The following ANKS4B variants were observed in gnomAD, a reference collection of about 807,000 sequenced individuals.
ANKS4B encodes the protein ankyrin repeat and sterile alpha motif domain containing 4B.
Under a neutral mutation model 20.2 loss-of-function variants are expected in ANKS4B, and 21 were observed. The observed-to-expected ratio is 1.04, with a 90% CI of 0.74 to 1.50. The LOEUF (loss-of-function observed/expected upper bound fraction) is 1.50, where lower values mean the gene tolerates loss of function less well. Among genes scored for constraint, ANKS4B ranks in the 40% most tolerant of loss-of-function variants. ANKS4B has a pLI of 0.00. For missense variants in ANKS4B, 473 were observed against 494.6 expected, an observed-to-expected ratio of 0.96 and a Z score of 0.41; for synonymous variants, 179 against 194.5, an observed-to-expected ratio of 0.92 and a Z score of 0.66.
intron 1 of ANKS4B, chr16:21,244,089 A>G (rs2093329568): frequency 6.6e-6 from 1 of 152,050 alleles, no homozygotes; most frequent in African/African-American, 2.4e-5. Flanking sequence ...AAAAAAAAAA[A>G]AAAATGAGAT....
At chr16:21,236,551 C>G (rs1408275973) in intron 1 of ANKS4B, among the ~76,000 whole-genome samples, 1 of 152,144 alleles carries the variant, frequency 6.6e-6, no homozygotes, top group Non-Finnish European at 1.5e-5. Context: ...TATTCTCTTA[C>G]AATAACTCTT....
At chr16:21,245,690 C>T (rs2152859770) in intron 1 of ANKS4B, among the ~76,000 whole-genome samples, 1 of 152,252 alleles carries the variant, frequency 6.6e-6, no homozygotes, top group East Asian at 1.9e-4. Flanking sequence ...GTCTCAAACT[C>T]CTGGCCTCCA....
At chr16:21,234,062 G>T (rs2093317135) in intron 1 of ANKS4B, among the ~76,000 whole-genome samples, 161 bp downstream of exon 1, 1 of 152,156 alleles carries the variant, frequency 6.6e-6, no homozygotes. Flanking sequence ...GCCTAGAGAT[G>T]CTCTCTTTTC....
chr16:21,240,610 T>C (rs1325012141), intron 1 of ANKS4B, among the ~76,000 whole-genome samples: 1 of 152,172 alleles, frequency 6.6e-6, no homozygotes, highest in East Asian at 1.9e-4. Context: ...AACATTTGGG[T>C]ACATATCCTT....
At position 21,253,384 on chromosome 16, in the gene ANKS4B, ATGATTGT is replaced by A; in HGVS notation, c.*2566_*2572del. On this transcript the variant is annotated 3_prime_UTR_variant, in exon 2 of 2. Coordinates refer to ENST00000311620, the MANE Select transcript of ANKS4B (RefSeq NM_145865.3). ...TTGAATAAACACGTTGCATTAGGGG[ATGATTGT>A]TTACAAATACCTTATCTTGTGGAAT... 1 of 152,326 alleles carries A rather than the reference ATGATTGT, an allele frequency of 6.6e-6. No individual in the cohort carries two copies. The highest frequency in any genetic ancestry group is 2.1e-4 in the South Asian group (1 of 4,826). 9.4% of individuals were successfully genotyped at this position (152,326 alleles called of 1,614,324 possible). A position where few individuals can be genotyped will look rare whatever the true frequency, so the allele number is the denominator to read the frequency against.
chr16:21,235,256 G>C (rs2093318893), intron 1 of ANKS4B, among the ~76,000 whole-genome samples: 1 of 152,220 alleles, frequency 6.6e-6, no homozygotes, highest in African/African-American at 2.4e-5. Context: ...TTTAAGCTGG[G>C]ATTAGGAAAA....
At chr16:21,235,426 A>G (rs1167240772) in intron 1 of ANKS4B, among the ~76,000 whole-genome samples, 1 of 152,148 alleles carries the variant, frequency 6.6e-6, no homozygotes, top group African/African-American at 2.4e-5. Flanking sequence ...AGCCTTGTCA[A>G]CTCTGGTAAG....
intron 1 of ANKS4B, among the ~76,000 whole-genome samples, chr16:21,248,788 G>A (rs926368978): frequency 6.6e-6 from 1 of 152,042 alleles, no homozygotes; most frequent in Admixed American, 6.5e-5. Flanking sequence ...TAACACGAAA[G>A]TCTCACTTTC....
chr16:21,253,762 G>A lies in ANKS4B; in HGVS notation c.*2942G>A, dbSNP rs1221991354. ...TTTATGATTGACAGAATTAATAGGT[G>A]AGCGTTCTCCAAAGTTCTCAGCATC... On this transcript the variant is annotated 3_prime_UTR_variant, in exon 2 of 2. Transcript: ENST00000311620. The A allele has an allele frequency of 6.6e-6, 1 of 152,134 alleles. No individual in the cohort carries two copies. The highest frequency in any genetic ancestry group is 2.4e-5 in the African/African-American group (1 of 41,424). 9.4% of individuals were successfully genotyped at this position (152,134 alleles called of 1,614,324 possible).
At chr16:21,245,518 G>T in intron 1 of ANKS4B, among the ~76,000 whole-genome samples, 1 of 152,006 alleles carries the variant, frequency 6.6e-6, no homozygotes, top group African/African-American at 2.4e-5. Flanking sequence ...TTGTCACCCA[G>T]GCTGGAGTGC....
At chr16:21,238,809 A>C (rs1476273403) in intron 1 of ANKS4B, 3 of 152,148 alleles carry the variant, frequency 2.0e-5, no homozygotes, top group Non-Finnish European at 4.4e-5. Context: ...TATGGGTGCA[A>C]ATATTCTTCT....
At position 21,251,597 on chromosome 16, in the gene ANKS4B, T is replaced by C. The variant is rs911718816; in HGVS notation, c.*777T>C. ...TCCTGAGATCTATGACTTTGCCTAG[T>C]GGTAGAGACTAGAGTTCTTTCCTGG... On this transcript the variant is annotated 3_prime_UTR_variant, in exon 2 of 2. Transcript: ENST00000311620. The C allele has an allele frequency of 1.3e-5, 2 of 152,256 alleles. No homozygotes were observed. The highest frequency in any genetic ancestry group is 4.8e-5 in the African/African-American group (2 of 41,470). The allele number at this position is 152,256 out of a possible 1,614,324, so 9.4% of individuals were successfully genotyped here. A position where few individuals can be genotyped will look rare whatever the true frequency, so the allele number is the denominator to read the frequency against.
Position 21,253,370 on chromosome 16 carries a change from C to G in ANKS4B, c.*2550C>G, listed in dbSNP as rs916225525. On this transcript the variant is annotated 3_prime_UTR_variant, in exon 2 of 2. Coordinates refer to ENST00000311620, the MANE Select transcript of ANKS4B (RefSeq NM_145865.3). The stretch of plus-strand genomic sequence containing the variant: ...AAGCTTGTTAGCCATTGAATAAACA[C>G]GTTGCATTAGGGGATGATTGTTTAC... The G allele has an allele frequency of 6.6e-6, 1 of 152,170 alleles. No homozygotes were observed. Among genetic ancestry groups the G allele is most frequent in the East Asian group, 1.9e-4 (1 of 5,204 alleles). 9.4% of individuals were successfully genotyped at this position (152,170 alleles called of 1,614,324 possible).
chr16:21,238,018 T>C (rs2093322265), intron 1 of ANKS4B, among the ~76,000 whole-genome samples: 1 of 151,978 alleles, frequency 6.6e-6, no homozygotes, highest in South Asian at 2.1e-4. Flanking sequence ...AAAATTAGCA[T>C]GGTGTGGTGG....
At chr16:21,243,928 T>G (rs2093329358) in intron 1 of ANKS4B, 1 of 152,160 alleles carries the variant, frequency 6.6e-6, no homozygotes, top group Admixed American at 6.5e-5. Context: ...TGAATTGTCT[T>G]ACTGACAGTT....
chr16:21,234,520 A>ACACACC (rs897610619), intron 1 of ANKS4B, among the ~76,000 whole-genome samples: 20 of 144,548 alleles, frequency 1.4e-4, no homozygotes, highest in East Asian at 9.9e-4. Context: ...ACACACACAC[A>ACACACC]CCCCATCTCT....
rs1240169363 is a variant in ANKS4B, at chr16:21,251,004, TC to T, written c.*186del. On this transcript the variant is annotated 3_prime_UTR_variant, in exon 2 of 2. Transcript: ENST00000311620. ...TAGGCTATGCCCATCCAAATAAATC[TC>T]CATGAGAAACTTGAGGAGACTTCAT... The T allele has an allele frequency of 4.2e-6, 3 of 709,142 alleles. No homozygotes were observed. Among genetic ancestry groups the T allele is most frequent in the African/African-American group, 1.8e-5 (1 of 56,746 alleles). The allele number at this position is 709,142 out of a possible 1,614,324, so 43.9% of individuals were successfully genotyped here.
Position 21,233,892 on chromosome 16 carries a change from G to T in ANKS4B, c.155G>T (p.Cys52Phe), listed in dbSNP as rs1005878717. ...HGNLEALEII[C>F]SRGGDPDRCD... ...AACTTGGAAGCCCTAGAGATAATCT[G>T]CAGTAGAGGGTAAGTTCAACCCGAT... The change falls in exon 1 of 2, where the codon TGC (cysteine) becomes TTC (phenylalanine). Residue 52 changes from cysteine (C) to phenylalanine (F), a missense_variant. Physicochemically the swap from Cys to Phe is radical, Grantham distance 205. Transcript: ENST00000311620. 8 of 1,612,124 alleles carry T rather than the reference G, an allele frequency of 5.0e-6. No individual in the cohort carries two copies. Among genetic ancestry groups the T allele is most frequent in the Non-Finnish European group, 5.9e-6 (7 of 1,179,142 alleles).
In ANKS4B at chr16:21,233,882, G is replaced by C; in HGVS notation, c.145G>C (p.Glu49Gln). The part of the protein sequence containing the change: ...AAYHGNLEAL[E>Q]IICSRGGDPD... ...CTACCATGGGAACTTGGAAGCCCTA[G>C]AGATAATCTGCAGTAGAGGGTAAGT... Residue 49 changes from glutamate to glutamine, a missense_variant, in exon 1 of 2, where the codon GAG (glutamate) becomes CAG (glutamine). Glu to Gln is a conservative substitution (Grantham distance 29). Transcript: ENST00000311620. 6.2e-7 allele frequency: 1 copy of C among 1,613,320 alleles called. No individual in the cohort carries two copies. The highest frequency in any genetic ancestry group is 8.5e-7 in the Non-Finnish European group (1 of 1,179,628).
Sources: gnomAD v4.1 joint callset for allele counts (sites outside exome capture counted in the v4.1 genomes callset) on GRCh38, gnomAD v4.1.1 for gene constraint, MANE v1.5 for transcripts, NCBI Gene and HGNC (gene_info 2026-07-23, HGNC 2026-07-21) for gene names.